Variants in GPN2 observed in about 807,000 individuals in gnomAD.
The protein encoded by GPN2 is ATP-binding domain 1 family member B.
A neutral mutation model predicts 30.1 loss-of-function variants in GPN2; 27 were observed. That is an observed-to-expected ratio of 0.90 (90% CI 0.66 to 1.24). The LOEUF is 1.24. Ranked by LOEUF, GPN2 falls within the 50% of genes most tolerant of loss-of-function variation. The probability of loss-of-function intolerance (pLI) is 0.00; values close to 1 mark genes in which losing one functional copy is unlikely to be tolerated. For missense variants in GPN2, 406 were observed against 405.4 expected (o/e 1.00, Z -0.01); for synonymous variants, 212 against 174.4 (o/e 1.22, Z -1.70).
In GPN2 at chr1:26,878,948, C is replaced by G. The variant is rs2081851839; in HGVS notation, c.*729G>C. 6.6e-6 allele frequency: 1 copy of G among 152,126 alleles called. No homozygotes were observed. Among genetic ancestry groups the G allele is most frequent in the African/African-American group, 2.4e-5 (1 of 41,402 alleles). The allele number at this position is 152,126 out of a possible 1,614,324, so 9.4% of individuals were successfully genotyped here. A position where few individuals can be genotyped will look rare whatever the true frequency, so the allele number is the denominator to read the frequency against. The stretch of plus-strand genomic sequence containing the variant: ...AAATGGAAAACTAGTTAACACTTGT[C>G]AACAATAGAATAAAACCATAAAACA... On this transcript the variant is annotated 3_prime_UTR_variant, in exon 5 of 5. Coordinates refer to ENST00000374135, the MANE Select transcript of GPN2 (RefSeq NM_018066.4).
chr1:26,883,109 T>C (rs1486610094), intron 4 of GPN2, among the ~76,000 whole-genome samples: 1 of 152,244 alleles, frequency 6.6e-6, no homozygotes. Context: ...GTCCCTTAAA[T>C]GCATTTTCCA....
At position 26,879,610 on chromosome 1, in the gene GPN2, G is replaced by T; in HGVS notation, c.*67C>A. 3 of 1,196,828 alleles carry T rather than the reference G, an allele frequency of 2.5e-6. No homozygotes were observed. Among genetic ancestry groups the T allele is most frequent in the Non-Finnish European group, 2.5e-6 (2 of 811,170 alleles). The allele number at this position is 1,196,828 out of a possible 1,614,324, so 74.1% of individuals were successfully genotyped here. A position where few individuals can be genotyped will look rare whatever the true frequency, so the allele number is the denominator to read the frequency against. ...GGACTTGCTCTTGGGTCTGCAGCCT[G>T]CATCAGGAGCCTCCACTTTCCCCAG... On this transcript the variant is annotated 3_prime_UTR_variant, in exon 5 of 5. Coordinates refer to ENST00000374135, the MANE Select transcript of GPN2 (RefSeq NM_018066.4).
At chr1:26,886,675 G>A in intron 2 of GPN2, 1 of 341,862 alleles carries the variant, frequency 2.9e-6, no homozygotes, top group Non-Finnish European at 5.8e-6. Context: ...AAAATTAGCT[G>A]GGCGTGGTGG....
At chr1:26,887,369 G>T (rs145416736) in intron 2 of GPN2, among the ~76,000 whole-genome samples, 1 of 152,228 alleles carries the variant, frequency 6.6e-6, no homozygotes, top group Non-Finnish European at 1.5e-5. Context: ...CTATCCTAAA[G>T]TAAGCTGAGG....
chr1:26,877,902 A>T lies in GPN2; in HGVS notation c.*1775T>A, dbSNP rs534024800. The T allele has an allele frequency of 6.6e-6, 1 of 152,078 alleles. No individual in the cohort carries two copies. The highest frequency in any genetic ancestry group is 1.5e-5 in the Non-Finnish European group (1 of 68,024). 9.4% of individuals were successfully genotyped at this position (152,078 alleles called of 1,614,324 possible). A position where few individuals can be genotyped will look rare whatever the true frequency, so the allele number is the denominator to read the frequency against. Reference sequence around the variant, plus strand: ...TACAAAAATTAGCCGGGCATGTGGTAGGCGCCTGTAATCCCAGCTACTCGG... The same window carrying T: ...TACAAAAATTAGCCGGGCATGTGGTTGGCGCCTGTAATCCCAGCTACTCGG... On this transcript the variant is annotated 3_prime_UTR_variant, in exon 5 of 5. Transcript: ENST00000374135.
rs577816468 is a variant in GPN2, at chr1:26,890,246, C to G, written c.-150G>C. On this transcript the variant is annotated 5_prime_UTR_variant, in exon 1 of 5. Transcript: ENST00000374135. ...TCAGGCGGAACAGCTGAGACCGTGT[C>G]GCGCAAAAGGAGATAACAGGCCGAT... The G allele has an allele frequency of 3.0e-6, 2 of 675,976 alleles. No individual in the cohort carries two copies. Among genetic ancestry groups the G allele is most frequent in the East Asian group, 2.9e-5 (1 of 34,054 alleles). The allele number at this position is 675,976 out of a possible 1,614,324, so 41.9% of individuals were successfully genotyped here.
Position 26,889,132 on chromosome 1 carries a change from G to C in GPN2, c.412-7C>G. ...CGAGGTGGACGGCAGTCAGCTGGGA[G>C]GGAATAGACAGGGTGAGAGTGGCCT... On this transcript the variant is annotated splice_polypyrimidine_tract_variant and splice_region_variant and intron_variant, in intron 1 of 4. Coordinates refer to ENST00000374135, the MANE Select transcript of GPN2 (RefSeq NM_018066.4). The C allele has an allele frequency of 6.2e-7, 1 of 1,612,202 alleles. No individual in the cohort carries two copies. The highest frequency in any genetic ancestry group is 8.5e-7 in the Non-Finnish European group (1 of 1,178,572).
chr1:26,880,601 ACG>A (rs2081859553), intron 4 of GPN2, among the ~76,000 whole-genome samples: 2 of 151,840 alleles, frequency 1.3e-5, no homozygotes, highest in South Asian at 4.2e-4. Flanking sequence ...GTAAGCCACC[ACG>A]CCTGGCCAAA....
chr1:26,884,453 C>G (rs1472615553), intron 3 of GPN2, 163 bp from the exon 4 acceptor site: 2 of 217,550 alleles, frequency 9.2e-6, no homozygotes, highest in African/African-American at 4.7e-5. Context: ...CTCATGTTTC[C>G]TGACCACCAA....
chr1:26,878,930 A>T lies in GPN2; in HGVS notation c.*747T>A, dbSNP rs1453963355. The T allele has an allele frequency of 6.6e-6, 1 of 152,258 alleles. No homozygotes were observed. The highest frequency in any genetic ancestry group is 1.5e-5 in the Non-Finnish European group (1 of 68,052). 9.4% of individuals were successfully genotyped at this position (152,258 alleles called of 1,614,324 possible). On this transcript the variant is annotated 3_prime_UTR_variant, in exon 5 of 5. Transcript: ENST00000374135. ...ACTTTTAACCACTACTGTAAATGGA[A>T]AACTAGTTAACACTTGTCAACAATA...
intron 4 of GPN2, among the ~76,000 whole-genome samples, chr1:26,883,741 G>A (rs887757013): frequency 1.3e-5 from 2 of 151,396 alleles, no homozygotes; most frequent in Non-Finnish European, 2.9e-5. Context: ...CCAAGATTGC[G>A]CCATTGTGCG....
chr1:26,886,378 T>C (rs2081891169), intron 2 of GPN2: 1 of 557,410 alleles, frequency 1.8e-6, no homozygotes. Context: ...CCCCAGTGTC[T>C]GGTACAGAGA....
chr1:26,889,640 TCA>T (rs754455628), intron 1 of GPN2, 44 bp downstream of exon 1: 4 of 1,522,312 alleles, frequency 2.6e-6, no homozygotes, highest in African/African-American at 2.8e-5. Context: ...CCTCCCTGTC[TCA>T]GTTACTCCAT....
chr1:26,890,130 A>G lies in GPN2; in HGVS notation c.-34T>C, dbSNP rs754137833. 1 of 1,470,620 alleles carries G rather than the reference A, an allele frequency of 6.8e-7. No homozygotes were observed. Among genetic ancestry groups the G allele is most frequent in the East Asian group, 2.4e-5 (1 of 41,124 alleles). 91.1% of individuals were successfully genotyped at this position (1,470,620 alleles called of 1,614,324 possible). A position where few individuals can be genotyped will look rare whatever the true frequency, so the allele number is the denominator to read the frequency against. Reference sequence around the variant, plus strand: ...CGCGGCCCGGAGCAGGTCAACTCACAGGGAAAACGGGGCAGGTAGCCGCGC... The same window carrying G: ...CGCGGCCCGGAGCAGGTCAACTCACGGGGAAAACGGGGCAGGTAGCCGCGC... On this transcript the variant is annotated 5_prime_UTR_variant, in exon 1 of 5. Coordinates refer to ENST00000374135, the MANE Select transcript of GPN2 (RefSeq NM_018066.4).
At chr1:26,884,130 C>G in intron 4 of GPN2, 30 bp downstream of exon 4, 4 of 1,600,326 alleles carry the variant, frequency 2.5e-6, no homozygotes, top group Non-Finnish European at 3.4e-6. Flanking sequence ...CTCACCCTCT[C>G]TGCTATGGCC....
At chr1:26,882,549 T>C (rs2081869723) in intron 4 of GPN2, among the ~76,000 whole-genome samples, 1 of 152,262 alleles carries the variant, frequency 6.6e-6, no homozygotes, top group South Asian at 2.1e-4. Flanking sequence ...CACATATGGC[T>C]CGAGAAACAT....
chr1:26,884,044 A>C, intron 4 of GPN2, 116 bp downstream of exon 4: 1 of 768,702 alleles, frequency 1.3e-6, no homozygotes, highest in Non-Finnish European at 1.9e-6. Flanking sequence ...CATCTCAAAA[A>C]AAAAAAAAAA....
In GPN2 at chr1:26,889,038, G is replaced by C; in HGVS notation, c.499C>G (p.Leu167Val). The C allele has an allele frequency of 6.2e-7, 1 of 1,614,110 alleles. No individual in the cohort carries two copies. Among genetic ancestry groups the C allele is most frequent in the African/African-American group, 1.3e-5 (1 of 75,080 alleles). The stretch of plus-strand genomic sequence containing the variant: ...TTGATGTGGGGCAGTTCCACGTGCA[G>C]CATGGTGGCCAGGGAGGTACACAGT... ...SVLCTSLATM[L>V]HVELPHINLL... Residue 167 changes from leucine (L) to valine (V), a missense_variant, in exon 2 of 5, where the codon CTG becomes GTG. Physicochemically the swap from Leu to Val is conservative, Grantham distance 32. Coordinates refer to ENST00000374135, the MANE Select transcript of GPN2 (RefSeq NM_018066.4).
chr1:26,877,766 T>C lies in GPN2; in HGVS notation c.*1911A>G, dbSNP rs988017639. Reference sequence around the variant, plus strand: ...TAAGTCCAAATGTGGCCGGGTGCAGTGGCTCACGCCTGTAATCCCAGCACT... The same window carrying C: ...TAAGTCCAAATGTGGCCGGGTGCAGCGGCTCACGCCTGTAATCCCAGCACT... On this transcript the variant is annotated 3_prime_UTR_variant, in exon 5 of 5. Transcript: ENST00000374135. 1.3e-5 allele frequency: 2 copies of C among 152,362 alleles called. No individual in the cohort carries two copies. The highest frequency in any genetic ancestry group is 2.9e-5 in the Non-Finnish European group (2 of 68,124). The allele number at this position is 152,362 out of a possible 1,614,324, so 9.4% of individuals were successfully genotyped here.
Sources: allele counts gnomAD v4.1 joint callset (sites outside exome capture counted in the v4.1 genomes callset), GRCh38; gene constraint gnomAD v4.1.1; transcripts MANE v1.5; gene names NCBI Gene and HGNC (gene_info 2026-07-23, HGNC 2026-07-21).